The following RARA variants were observed in gnomAD, a reference collection of about 807,000 sequenced individuals.
RARA encodes retinoic acid receptor alpha.
In RARA, 5 loss-of-function variants were observed where a neutral mutation model predicts 42.8. The ratio of observed to expected loss-of-function variants is 0.12; its 90% CI spans 0.06 to 0.25. The LOEUF (loss-of-function observed/expected upper bound fraction) is 0.25, where lower values mean the gene tolerates loss of function less well. Ranked by LOEUF, RARA falls within the 10% of genes least tolerant of loss-of-function variation. RARA has a pLI of 1.00. For synonymous variants in RARA, 256 were observed against 259.5 expected (o/e 0.99, Z 0.13); for missense variants, 402 against 628.7 (o/e 0.64, Z 3.86).
chr17:40,341,591 C>G (rs1028250491), intron 2 of RARA: 6 of 1,362,402 alleles, frequency 4.4e-6, no homozygotes, highest in East Asian at 3.1e-5. Context: ...GGCGGGCTGG[C>G]GAGCGGGTGA....
intron 1 of RARA, among the ~76,000 whole-genome samples, chr17:40,324,368 C>T (rs955728615): frequency 2.6e-5 from 4 of 151,958 alleles, no homozygotes; most frequent in East Asian, 1.9e-4. Flanking sequence ...TTCACCTACT[C>T]GTTGCTTGGA....
intron 2 of RARA, chr17:40,341,875 C>G: frequency 9.8e-7 from 1 of 1,020,426 alleles, no homozygotes. Flanking sequence ...CTTGTCCCCT[C>G]GCAGCCCCCT....
Position 40,356,847 on chromosome 17 carries a change from C to T in RARA, c.*621C>T, listed in dbSNP as rs1390241533. Reference sequence around the variant, plus strand: ...GTATTGGGGGGAGCTGGATCCAGAGCTGGAGGGGGTGGGTCCGGGGGAGGG... The same window carrying T: ...GTATTGGGGGGAGCTGGATCCAGAGTTGGAGGGGGTGGGTCCGGGGGAGGG... On this transcript the variant is annotated 3_prime_UTR_variant, in exon 9 of 9. Transcript: ENST00000254066. 35 of 230,192 alleles carry T rather than the reference C, an allele frequency of 1.5e-4. 1 individual carries two copies. Among genetic ancestry groups the T allele is most frequent in the Admixed American group, 1.4e-3 (21 of 15,092 alleles). 14.3% of individuals were successfully genotyped at this position (230,192 alleles called of 1,614,324 possible).
Position 40,354,871 on chromosome 17 carries a change from G to C in RARA, c.1012+365G>C, listed in dbSNP as rs1267663183. Among the ~76,000 whole-genome samples the C allele has an allele frequency of 6.6e-6, 1 of 152,218 alleles. No individual in the cohort carries two copies. Among genetic ancestry groups the C allele is most frequent in the African/African-American group, 2.4e-5 (1 of 41,434 alleles). On this transcript the variant is annotated intron_variant, in intron 7 of 8. Coordinates refer to ENST00000254066, the MANE Select transcript of RARA (RefSeq NM_000964.4). The surrounding 1 kb of genome is among the most constrained non-coding windows in gnomAD (Gnocchi z 4.5). ...GAGGATTACGGTGGTAACAGATACT[G>C]TGCAGGTGCCCAGAGCGAGCTCCAG...
At position 40,349,845 on chromosome 17, in the gene RARA, GCAT is replaced by G; in HGVS notation, c.395_397del (p.Ile132del). On this transcript the variant is annotated inframe_deletion, in exon 4 of 9. Transcript: ENST00000254066. ...TACACGTGTCACCGGGACAAGAACT[GCAT>G]CATCAACAAGGTGACCCGGAACCGC... 6.2e-7 allele frequency: 1 copy of G among 1,614,214 alleles called. No individual in the cohort carries two copies. Among genetic ancestry groups the G allele is most frequent in the Non-Finnish European group, 8.5e-7 (1 of 1,180,038 alleles).
Position 40,355,981 on chromosome 17 carries a change from C to A in RARA, c.1172-28C>A. On this transcript the variant is annotated intron_variant, in intron 8 of 8. Coordinates refer to ENST00000254066, the MANE Select transcript of RARA (RefSeq NM_000964.4). This position sits in a 1 kb window ranked among gnomAD's most constrained non-coding sequence, Gnocchi z 4.1. The stretch of plus-strand genomic sequence containing the variant: ...GGGGTGGGAGGGCTGGCCCAGCGTG[C>A]TGACCTCTGCCCCCTCCTTTCCTGC... 1 of 1,570,278 alleles carries A rather than the reference C, an allele frequency of 6.4e-7. No homozygotes were observed. Among genetic ancestry groups the A allele is most frequent in the Non-Finnish European group, 8.6e-7 (1 of 1,158,482 alleles).
rs2033687677 is a variant in RARA at position 40,331,385 on chromosome 17, C to T, written c.167C>T (p.Pro56Leu). 1 of 1,612,622 alleles carries T rather than the reference C, an allele frequency of 6.2e-7. No homozygotes were observed. Among genetic ancestry groups the T allele is most frequent in the Non-Finnish European group, 8.5e-7 (1 of 1,179,374 alleles). ...HQLPVSGYST[P>L]SPATIETQSS... The stretch of plus-strand genomic sequence containing the variant: ...CTTCCAGTTAGTGGATATAGCACAC[C>T]ATCCCCAGCCAGTAAGTCTGGGTGT... Residue 56 changes from proline to leucine, a missense_variant, in exon 2 of 9, where the codon CCA becomes CTA. This residue lies in a region of RARA where 91 missense variants were observed against 105.2 expected (regional missense o/e 0.87). Transcript: ENST00000254066.
rs752145613 is a variant in RARA at position 40,354,290 on chromosome 17, C to T, written c.808-12C>T. The T allele has an allele frequency of 4.3e-6, 7 of 1,613,434 alleles. No homozygotes were observed. The highest frequency in any genetic ancestry group is 2.2e-5 in the East Asian group (1 of 44,870). ...GGTTCAGTCCCTGAACCCAAGCATC[C>T]TCTGCACCCAGATCCTGCGGATCTG... On this transcript the variant is annotated splice_polypyrimidine_tract_variant and intron_variant, in intron 6 of 8. Transcript: ENST00000254066. The surrounding 1 kb of genome is among the most constrained non-coding windows in gnomAD (Gnocchi z 4.5).
At chr17:40,348,222 G>C (rs1262239178) in intron 2 of RARA, 94 bp from the exon 3 acceptor site, 1 of 1,401,990 alleles carries the variant, frequency 7.1e-7, no homozygotes. Context: ...GAGGCTGGGA[G>C]AGGCTCTTAG....
chr17:40,315,392 G>A (rs1033624867), intron 1 of RARA, among the ~76,000 whole-genome samples: 2 of 151,906 alleles, frequency 1.3e-5, no homozygotes, highest in Admixed American at 6.6e-5. Context: ...ATGACGTTGA[G>A]GAAGGCAATT....
intron 1 of RARA, among the ~76,000 whole-genome samples, chr17:40,321,669 C>T (rs1338371111): frequency 6.6e-6 from 1 of 152,190 alleles, no homozygotes; most frequent in Non-Finnish European, 1.5e-5. Context: ...CCTGCTGGAC[C>T]TCCAGGCACC....
chr17:40,311,522 T>C (rs1411008554), intron 1 of RARA, among the ~76,000 whole-genome samples: 1 of 152,182 alleles, frequency 6.6e-6, no homozygotes, highest in Non-Finnish European at 1.5e-5. Flanking sequence ...AGCCCCACTT[T>C]CTTCTCTCTT....
rs1229916460 is a variant in RARA, at chr17:40,320,928, G to C, written c.-362-9929G>C. On this transcript the variant is annotated intron_variant, in intron 1 of 8. Coordinates refer to ENST00000254066, the MANE Select transcript of RARA (RefSeq NM_000964.4). This position sits in a 1 kb window ranked among gnomAD's most constrained non-coding sequence, Gnocchi z 4.1. ...GGGAAGCTGGCAGGGCCCCTGGCAAGATGACCAGTGTTGTCTTGACTTACT... is the reference window on the plus strand; with the variant it reads ...GGGAAGCTGGCAGGGCCCCTGGCAACATGACCAGTGTTGTCTTGACTTACT... Among the ~76,000 whole-genome samples, 2 of 152,184 alleles carry C rather than the reference G, an allele frequency of 1.3e-5. No individual in the cohort carries two copies. The highest frequency in any genetic ancestry group is 2.9e-5 in the Non-Finnish European group (2 of 68,030).
At chr17:40,341,009 T>G (rs368251590) in intron 2 of RARA, 1 of 400,396 alleles carries the variant, frequency 2.5e-6, no homozygotes, top group Non-Finnish European at 4.4e-6. Context: ...GAGCCAGGCT[T>G]CTTCTAGAAG....
chr17:40,342,886 G>C (rs774788037), intron 2 of RARA: 3 of 1,604,290 alleles, frequency 1.9e-6, no homozygotes, highest in Non-Finnish European at 2.5e-6. Context: ...CGGCCTCTCA[G>C]TCTGCTGTTG....
intron 3 of RARA, chr17:40,349,517 C>T: frequency 2.5e-6 from 1 of 405,196 alleles, no homozygotes; most frequent in Non-Finnish European, 4.5e-6. Context: ...GGTCTTTTCC[C>T]TGGAAGGGAG....
At position 40,352,186 on chromosome 17, in the gene RARA, CCT is replaced by C; in HGVS notation, c.630+121_630+122del. The C allele has an allele frequency of 6.7e-7, 1 of 1,486,202 alleles. No individual in the cohort carries two copies. 92.1% of individuals were successfully genotyped at this position (1,486,202 alleles called of 1,614,324 possible). On this transcript the variant is annotated intron_variant, in intron 5 of 8. Transcript: ENST00000254066. This position sits in a 1 kb window ranked among gnomAD's most constrained non-coding sequence, Gnocchi z 4.9. Reference sequence around the variant, plus strand: ...CAAGATCTCTGCGTCCTTCCCTTCCCCTCTCTTCTCCCTCCTCCTGCTGCCTC... The same window carrying C: ...CAAGATCTCTGCGTCCTTCCCTTCCCCTCTTCTCCCTCCTCCTGCTGCCTC...
rs1242451040 is a variant in RARA, at chr17:40,354,957, A to G, written c.1013-306A>G. Reference sequence around the variant, plus strand: ...GCCATTTCATCTGGTTTCCAGAATAACAGGGGGGAGTGGGAGCCTGCCTGG... The same window carrying G: ...GCCATTTCATCTGGTTTCCAGAATAGCAGGGGGGAGTGGGAGCCTGCCTGG... On this transcript the variant is annotated intron_variant, in intron 7 of 8. Transcript: ENST00000254066. The surrounding 1 kb of genome is among the most constrained non-coding windows in gnomAD (Gnocchi z 4.5). Among the ~76,000 whole-genome samples, 6 of 152,268 alleles carry G rather than the reference A, an allele frequency of 3.9e-5. No homozygotes were observed. The South Asian group carries it at 8.3e-4, about 21-fold the overall frequency.
At position 40,320,388 on chromosome 17, in the gene RARA, TG is replaced by T. The variant is rs1318596282; in HGVS notation, c.-362-10466del. Among the ~76,000 whole-genome samples the T allele has an allele frequency of 1.3e-5, 2 of 152,156 alleles. No individual in the cohort carries two copies. Among genetic ancestry groups the T allele is most frequent in the Non-Finnish European group, 2.9e-5 (2 of 68,014 alleles). On this transcript the variant is annotated intron_variant, in intron 1 of 8. Coordinates refer to ENST00000254066, the MANE Select transcript of RARA (RefSeq NM_000964.4). This position sits in a 1 kb window ranked among gnomAD's most constrained non-coding sequence, Gnocchi z 4.1. Reference sequence around the variant, plus strand: ...CTGATCACCCATGTGCCTCCCCCGCTGGGCACAGTCACCCACACATGCCATG... The same window carrying T: ...CTGATCACCCATGTGCCTCCCCCGCTGGCACAGTCACCCACACATGCCATG...
Sources: gnomAD v4.1 joint callset for allele counts (sites outside exome capture counted in the v4.1 genomes callset) on GRCh38, gnomAD v4.1.1 for gene constraint, gnomAD v4.1.1 regional missense constraint, Gnocchi (gnomAD v3.1) non-coding constraint, MANE v1.5 for transcripts, NCBI Gene and HGNC (gene_info 2026-07-23, HGNC 2026-07-21) for gene names.